ZNF280D: variants seen among roughly 807,000 people sequenced by gnomAD.
ZNF280D encodes suppressor of hairy wing homolog 4.
Under a neutral mutation model 94.7 loss-of-function variants are expected in ZNF280D, and 39 were observed. The ratio of observed to expected loss-of-function variants is 0.41; its 90% CI spans 0.32 to 0.54. The LOEUF (loss-of-function observed/expected upper bound fraction) is 0.54, where lower values mean the gene tolerates loss of function less well. Among genes scored for constraint, ZNF280D ranks in the 20% least tolerant of loss-of-function variants. The probability of loss-of-function intolerance (pLI) is 0.22; values close to 1 mark genes in which losing one functional copy is unlikely to be tolerated. For missense variants in ZNF280D, 1,090 were observed against 1,149.3 expected, an observed-to-expected ratio of 0.95 and a Z score of 0.75; for synonymous variants, 398 against 377.6, an observed-to-expected ratio of 1.05 and a Z score of -0.63.
intron 19 of ZNF280D, among the ~76,000 whole-genome samples, chr15:56,646,647 G>A (rs1283489469): frequency 2.0e-5 from 3 of 152,162 alleles, no homozygotes; most frequent in Non-Finnish European, 2.9e-5. Context: ...ACATATTTCA[G>A]GGATTGTACT....
chr15:56,645,922 T>C (rs74016570), intron 19 of ZNF280D, among the ~76,000 whole-genome samples: 1,809 of 152,248 alleles, frequency 0.012, 36 homozygotes, highest in African/African-American at 0.042. Context: ...ACTATAAACA[T>C]ACCATGGGGT....
At chr15:56,732,469 C>A (rs1437842212) in intron 1 of ZNF280D, 1 of 152,198 alleles carries the variant, frequency 6.6e-6, no homozygotes, top group Non-Finnish European at 1.5e-5. Context: ...CAAAGCAGGA[C>A]ACCTTACAGA....
chr15:56,689,386 T>A lies in ZNF280D; in HGVS notation c.584A>T (p.Glu195Val). Residue 195 changes from glutamate to valine, a missense_variant, in exon 8 of 22, where the codon GAA becomes GTA. Around this residue, in one of 3 missense-constraint regions of ZNF280D, gnomAD observed 386 missense variants for 372.0 expected, o/e 1.04. Transcript: ENST00000267807. ...NVNPKKPKPS[E>V]SVSGANSSAV... ...TGAGGAATTTGCTCCAGAAACACTTTCGCTGGGTTTAGGCTTCTTTGGATT... is the reference window on the plus strand; with the variant it reads ...TGAGGAATTTGCTCCAGAAACACTTACGCTGGGTTTAGGCTTCTTTGGATT... 1 of 1,610,338 alleles carries A rather than the reference T, an allele frequency of 6.2e-7. No individual in the cohort carries two copies. Among genetic ancestry groups the A allele is most frequent in the Non-Finnish European group, 8.5e-7 (1 of 1,178,162 alleles).
At chr15:56,638,456 G>A (rs1239477148) in intron 20 of ZNF280D, among the ~76,000 whole-genome samples, 1 of 152,116 alleles carries the variant, frequency 6.6e-6, no homozygotes, top group Non-Finnish European at 1.5e-5. Context: ...TATCAAAGGA[G>A]AATAATCACA....
chr15:56,631,376 G>T lies in ZNF280D; in HGVS notation c.*122C>A, dbSNP rs2140481449. On this transcript the variant is annotated 3_prime_UTR_variant, in exon 22 of 22. Coordinates refer to ENST00000267807, the MANE Select transcript of ZNF280D (RefSeq NM_017661.4). ...CATAGGTTGAACATACAGGTAAAGT[G>T]TATGTGTGACCTCCCTTACATATTT... 1 of 988,456 alleles carries T rather than the reference G, an allele frequency of 1.0e-6. No homozygotes were observed. The highest frequency in any genetic ancestry group is 2.4e-5 in the East Asian group (1 of 41,478). The allele number at this position is 988,456 out of a possible 1,614,324, so 61.2% of individuals were successfully genotyped here.
intron 9 of ZNF280D, among the ~76,000 whole-genome samples, chr15:56,684,321 G>T (rs1336485533): frequency 1.3e-5 from 2 of 152,138 alleles, no homozygotes; most frequent in African/African-American, 4.8e-5. Flanking sequence ...TGTAATAAAA[G>T]AAGGCAAATA....
intron 3 of ZNF280D, 134 bp from the exon 4 acceptor site, chr15:56,704,401 A>G: frequency 3.6e-6 from 3 of 841,252 alleles, no homozygotes; most frequent in South Asian, 1.7e-5. Flanking sequence ...ATTTGTAGTC[A>G]GTATGTGGTA....
intron 12 of ZNF280D, among the ~76,000 whole-genome samples, chr15:56,677,066 A>G (rs1456462305): frequency 6.6e-6 from 1 of 152,156 alleles, no homozygotes. Flanking sequence ...AGATCTTTTT[A>G]TCTATCACCT....
At chr15:56,719,996 A>G (rs2058263284) in intron 1 of ZNF280D, among the ~76,000 whole-genome samples, 1 of 151,400 alleles carries the variant, frequency 6.6e-6, no homozygotes, top group Admixed American at 6.6e-5. Context: ...CTGACTAATC[A>G]GGGTAGTGGC....
chr15:56,638,123 A>C (rs1566926176), intron 20 of ZNF280D, among the ~76,000 whole-genome samples: 1 of 152,198 alleles, frequency 6.6e-6, no homozygotes, highest in Non-Finnish European at 1.5e-5. Flanking sequence ...ATATCAAGGA[A>C]AACAACTGAC....
Position 56,725,619 on chromosome 15 carries a change from G to C in ZNF280D, c.-86+7839C>G, listed in dbSNP as rs556160866. Among the ~76,000 whole-genome samples the C allele has an allele frequency of 9.2e-5, 14 of 152,068 alleles. No homozygotes were observed. The South Asian group carries it at 1.5e-3, about 16-fold the overall frequency. ...ACAGGAAAAGTATGTGGTAAAGGGA[G>C]GACCTAGTAGAATCCTTCAAAGAGT... On this transcript the variant is annotated intron_variant, in intron 1 of 21. Coordinates refer to ENST00000267807, the MANE Select transcript of ZNF280D (RefSeq NM_017661.4).
rs775725705 is a variant in ZNF280D at position 56,631,850 on chromosome 15, G to C, written c.2588C>G (p.Ser863Cys). 6.2e-7 allele frequency: 1 copy of C among 1,613,810 alleles called. No homozygotes were observed. The highest frequency in any genetic ancestry group is 1.1e-5 in the South Asian group (1 of 91,084). ...GGAGTTGTGATCTTTAATCTGATCA[G>C]ATAAGATTATGTTTTCTGAACTTTG... Reference protein sequence around the residue: ...MCQSSENIILSDQIKDHNSSE... With the variant: ...MCQSSENIILCDQIKDHNSSE... Residue 863 changes from serine (S) to cysteine (C), a missense_variant, in exon 22 of 22, where the codon TCT becomes TGT. Physicochemically the swap from Ser to Cys is moderately radical, Grantham distance 112. Coordinates refer to ENST00000267807, the MANE Select transcript of ZNF280D (RefSeq NM_017661.4).
At chr15:56,695,777 T>G (rs549888402) in intron 6 of ZNF280D, among the ~76,000 whole-genome samples, 2 of 151,052 alleles carry the variant, frequency 1.3e-5, no homozygotes, top group Admixed American at 6.6e-5. Context: ...ATCTGCCCAC[T>G]TTAGCCTCCC....
intron 20 of ZNF280D, among the ~76,000 whole-genome samples, chr15:56,636,637 C>T (rs11636994): frequency 0.42 from 63,512 of 151,528 alleles, 13,576 homozygotes; most frequent in Middle Eastern, 0.54. Context: ...GTACCCACCA[C>T]CATGCCCGAC....
chr15:56,631,979 C>T lies in ZNF280D; in HGVS notation c.2459G>A (p.Gly820Asp), dbSNP rs142282548. The T allele has an allele frequency of 5.0e-6, 8 of 1,613,878 alleles. No individual in the cohort carries two copies. Among genetic ancestry groups the T allele is most frequent in the Admixed American group, 1.7e-5 (1 of 59,988 alleles). ...ATCACAACTGACGATGTTTTTTGAG[C>T]CAGTTTCCTGGTCTGCAAGACAGGT... ...NETCLADQET[G>D]SKNIVSCDSN... Residue 820 changes from glycine to aspartate, a missense_variant, in exon 22 of 22, where the codon GGC becomes GAC. Gly to Asp is a moderately conservative substitution (Grantham distance 94). Around this residue, in one of 3 missense-constraint regions of ZNF280D, gnomAD observed 577 missense variants for 568.8 expected, o/e 1.01. Transcript: ENST00000267807.
chr15:56,697,212 T>C (rs1337982127), intron 6 of ZNF280D, among the ~76,000 whole-genome samples: 10 of 151,540 alleles, frequency 6.6e-5, no homozygotes, highest in Admixed American at 1.3e-4. Flanking sequence ...TGAGATGGAG[T>C]CTCACTCTGT....
chr15:56,718,027 C>G (rs566775802), intron 1 of ZNF280D, among the ~76,000 whole-genome samples: 74 of 152,148 alleles, frequency 4.9e-4, no homozygotes, highest in African/African-American at 1.7e-3. Context: ...CCTTCAAGAA[C>G]CCTTCCAACC....
intron 6 of ZNF280D, among the ~76,000 whole-genome samples, chr15:56,694,167 C>T (rs2056593078): frequency 6.6e-6 from 1 of 151,602 alleles, no homozygotes; most frequent in Non-Finnish European, 1.5e-5. Context: ...ATAATGGGCT[C>T]AAGTATAAAG....
At chr15:56,700,037 G>T in intron 6 of ZNF280D, 1 of 220,160 alleles carries the variant, frequency 4.5e-6, no homozygotes, top group Non-Finnish European at 7.7e-6. Context: ...CAACACAGTG[G>T]AAAAGGAAAA....
Sources: allele counts gnomAD v4.1 joint callset (sites outside exome capture counted in the v4.1 genomes callset), GRCh38; gene constraint gnomAD v4.1.1; regional missense constraint gnomAD v4.1.1; transcripts MANE v1.5; gene names NCBI Gene and HGNC (gene_info 2026-07-23, HGNC 2026-07-21).